The following MOSPD3 variants were observed in gnomAD, a reference collection of about 807,000 sequenced individuals.
MOSPD3 encodes the protein motile sperm domain containing 3, also known as motile sperm domain-containing protein 3.
A neutral mutation model predicts 23.3 loss-of-function variants in MOSPD3; 20 were observed. The ratio of observed to expected loss-of-function variants is 0.86; its 90% CI spans 0.61 to 1.25. The LOEUF is 1.25. Among genes scored for constraint, MOSPD3 ranks in the 50% most tolerant of loss-of-function variants. The pLI is 0.00. For synonymous variants in MOSPD3, 136 were observed against 135.2 expected (o/e 1.01, Z -0.04); for missense variants, 307 against 315.7 (o/e 0.97, Z 0.21).
At chr7:100,613,443 AC>A in intron 2 of MOSPD3, 33 bp from the exon 3 acceptor site, 2 of 1,605,644 alleles carry the variant, frequency 1.2e-6, no homozygotes, top group Non-Finnish European at 1.7e-6. Context: ...TGCCTCATTC[AC>A]CCCAATGGGC....
intron 3 of MOSPD3, among the ~76,000 whole-genome samples, chr7:100,614,068 A>G (rs1802919164): frequency 6.6e-6 from 1 of 152,150 alleles, no homozygotes; most frequent in East Asian, 1.9e-4. Context: ...TCCACAGAAG[A>G]GAGAAAATGA....
rs1802871405 is a variant in MOSPD3, at chr7:100,612,893, C to T, written c.102C>T (p.Val34=). ...CTCCCTTGGGACCCGTTGTCCCGGT[C>T]CTGGTCTTTCCCCCGGATCTAGTAT... is the stretch of plus-strand genomic sequence containing the variant. ...APPPLGPVVP[V]LVFPPDLVFR... The change falls in exon 1 of 5, where the codon GTC becomes GTT. Residue 34 remains valine, a synonymous_variant. Transcript: ENST00000393950. The T allele has an allele frequency of 1.2e-6, 2 of 1,613,362 alleles. No homozygotes were observed. The highest frequency in any genetic ancestry group is 2.2e-5 in the South Asian group (2 of 91,072).
intron 3 of MOSPD3, among the ~76,000 whole-genome samples, chr7:100,613,997 A>G (rs941508716): frequency 1.3e-5 from 2 of 152,100 alleles, no homozygotes; most frequent in African/African-American, 4.8e-5. Context: ...TGAGCAATTA[A>G]CCCTGTACCA....
At position 100,615,228 on chromosome 7, in the gene MOSPD3, G is replaced by T; in HGVS notation, c.*45G>T. 6.3e-7 allele frequency: 1 copy of T among 1,595,374 alleles called. No homozygotes were observed. On this transcript the variant is annotated 3_prime_UTR_variant, in exon 5 of 5. Coordinates refer to ENST00000393950, the MANE Select transcript of MOSPD3 (RefSeq NM_023948.5). Reference sequence around the variant, plus strand: ...GCCCACCCCACCCTCCCTGGGCAGGGTCTTGAGGCAGCCACTGTGATGCTC... The same window carrying T: ...GCCCACCCCACCCTCCCTGGGCAGGTTCTTGAGGCAGCCACTGTGATGCTC...
rs764236149 is a variant in MOSPD3, at chr7:100,612,889, C to G, written c.98C>G (p.Pro33Arg). The G allele has an allele frequency of 6.2e-7, 1 of 1,613,102 alleles. No individual in the cohort carries two copies. The highest frequency in any genetic ancestry group is 8.5e-7 in the Non-Finnish European group (1 of 1,179,794). The change falls in exon 1 of 5, where the codon CCG becomes CGG. Residue 33 changes from proline (P) to arginine (R), a missense_variant. Physicochemically the swap from Pro to Arg is moderately radical, Grantham distance 103 (BLOSUM62 -2). Transcript: ENST00000393950. ...GAPPPLGPVVPVLVFPPDLVF... is the reference protein window; with the variant it reads ...GAPPPLGPVVRVLVFPPDLVF... ...CCTCCTCCCTTGGGACCCGTTGTCCCGGTCCTGGTCTTTCCCCCGGATCTA... is the reference window on the plus strand; with the variant it reads ...CCTCCTCCCTTGGGACCCGTTGTCCGGGTCCTGGTCTTTCCCCCGGATCTA...
At chr7:100,613,319 C>G (rs1442061001) in intron 2 of MOSPD3, 50 bp downstream of exon 2, 1 of 1,576,608 alleles carries the variant, frequency 6.3e-7, no homozygotes, top group Non-Finnish European at 8.7e-7. Context: ...GGGGTCGCTG[C>G]CACCTGTTGT....
At chr7:100,614,206 A>G (rs960666536) in intron 3 of MOSPD3, among the ~76,000 whole-genome samples, 3 of 152,176 alleles carry the variant, frequency 2.0e-5, no homozygotes, top group Admixed American at 6.5e-5. Flanking sequence ...GCTCACGCCT[A>G]TAATCCCAGT....
At position 100,614,873 on chromosome 7, in the gene MOSPD3, G is replaced by T. The variant is rs148593773; in HGVS notation, c.518G>T (p.Arg173Leu). Residue 173 changes from arginine (R) to leucine (L), a missense_variant, in exon 4 of 5, where the codon CGC becomes CTC. Physicochemically the swap from Arg to Leu is moderately radical, Grantham distance 102. Coordinates refer to ENST00000393950, the MANE Select transcript of MOSPD3 (RefSeq NM_023948.5). ...GATGAGTCTTGTTTCTCAGACCCCC[G>T]CCAGCAACTGGCCACCAGCTCCTTC... Reference protein sequence around the residue: ...PTARHFQEHPRQQLATSSFLL... With the variant: ...PTARHFQEHPLQQLATSSFLL... 3,042 of 1,613,724 alleles carry T rather than the reference G, an allele frequency of 1.9e-3. 3 individuals are homozygous for T. The highest frequency in any genetic ancestry group is 2.3e-3 in the Non-Finnish European group (2,717 of 1,179,788).
intron 3 of MOSPD3, among the ~76,000 whole-genome samples, chr7:100,614,197 C>T (rs529081599): frequency 3.5e-4 from 54 of 152,278 alleles, no homozygotes; most frequent in African/African-American, 1.3e-3. Context: ...GGTGTGATGG[C>T]TCACGCCTAT....
Position 100,612,729 on chromosome 7 carries a change from G to C in MOSPD3, c.-63G>C. The C allele has an allele frequency of 7.3e-7, 1 of 1,362,034 alleles. No homozygotes were observed. The highest frequency in any genetic ancestry group is 1.0e-6 in the Non-Finnish European group (1 of 999,302). 84.4% of individuals were successfully genotyped at this position (1,362,034 alleles called of 1,614,324 possible). A position where few individuals can be genotyped will look rare whatever the true frequency, so the allele number is the denominator to read the frequency against. ...CCCCTTTCGCCCCTCACGCCCCCCA[G>C]CTCTGACTCCAGGCCCTGTCCCCTG... On this transcript the variant is annotated 5_prime_UTR_variant, in exon 1 of 5. Transcript: ENST00000393950.
Position 100,612,778 on chromosome 7 carries a change from C to T in MOSPD3, c.-14C>T, listed in dbSNP as rs767826013. 2 of 1,557,394 alleles carry T rather than the reference C, an allele frequency of 1.3e-6. No homozygotes were observed. The highest frequency in any genetic ancestry group is 4.3e-5 in the Admixed American group (2 of 46,880). ...TGAGCTCTGCCCTCGGATGTCCGAC[C>T]GCCCAGAGCCTGCATGCGCCGTGGG... On this transcript the variant is annotated 5_prime_UTR_variant, in exon 1 of 5. Coordinates refer to ENST00000393950, the MANE Select transcript of MOSPD3 (RefSeq NM_023948.5).
intron 1 of MOSPD3, 86 bp downstream of exon 1, chr7:100,613,082 C>T (rs1347608498): frequency 2.5e-6 from 4 of 1,580,796 alleles, no homozygotes; most frequent in Middle Eastern, 1.7e-4. Context: ...TAGGGTTGCA[C>T]GTCCAGCTTT....
chr7:100,612,200 TA>T (rs1339107578), upstream of MOSPD3: 1 of 152,388 alleles, frequency 6.6e-6, no homozygotes, highest in African/African-American at 2.4e-5. Context: ...ATGGCAACAT[TA>T]ATCTGACCAC....
At position 100,613,582 on chromosome 7, in the gene MOSPD3, G is replaced by A; in HGVS notation, c.387G>A (p.Lys129=). 6.2e-7 allele frequency: 1 copy of A among 1,614,186 alleles called. No homozygotes were observed. ...EGAEGRVVGR[K]DITSILRAPA... ...CTGAGGGCCGAGTGGTGGGACGCAA[G>A]GACATTACCTCCATTCTGAGAGCCC... Residue 129 remains lysine (K), a synonymous_variant, in exon 3 of 5, where the codon AAG becomes AAA. Coordinates refer to ENST00000393950, the MANE Select transcript of MOSPD3 (RefSeq NM_023948.5).
In MOSPD3 at chr7:100,612,639, C is replaced by T. The variant is rs1032400124; in HGVS notation, c.-153C>T. 2 of 567,222 alleles carry T rather than the reference C, an allele frequency of 3.5e-6. No individual in the cohort carries two copies. The highest frequency in any genetic ancestry group is 1.9e-5 in the African/African-American group (1 of 51,384). 35.1% of individuals were successfully genotyped at this position (567,222 alleles called of 1,614,324 possible). A position where few individuals can be genotyped will look rare whatever the true frequency, so the allele number is the denominator to read the frequency against. On this transcript the variant is annotated 5_prime_UTR_variant, in exon 1 of 5. Coordinates refer to ENST00000393950, the MANE Select transcript of MOSPD3 (RefSeq NM_023948.5). Reference sequence around the variant, plus strand: ...CCTGGGCCTGGGTCTGCGGGAGCCCCATCTAGCGGGGTTCCAAGGCGGCGG... The same window carrying T: ...CCTGGGCCTGGGTCTGCGGGAGCCCTATCTAGCGGGGTTCCAAGGCGGCGG...
At chr7:100,613,825 AAACATTCCTCCGAGTTGAG>A in intron 3 of MOSPD3, 119 bp downstream of exon 3, 2 of 893,932 alleles carry the variant, frequency 2.2e-6, no homozygotes, top group Non-Finnish European at 3.4e-6. Context: ...CTTTTGGTGG[AAACATTCCTCCGAGTTGAG>A]ATTTTATATC....
chr7:100,613,018 G>A (rs780676389), intron 1 of MOSPD3, 22 bp downstream of exon 1: 7 of 1,613,304 alleles, frequency 4.3e-6, no homozygotes, highest in Non-Finnish European at 5.9e-6. Flanking sequence ...GGCGCCTCGT[G>A]GGGGCTGGTG....
In MOSPD3 at chr7:100,612,660, G is replaced by A. The variant is rs1167429914; in HGVS notation, c.-132G>A. ...GCCCCATCTAGCGGGGTTCCAAGGC[G>A]GCGGCGGCATCAGTCGAGGCCCTGC... On this transcript the variant is annotated 5_prime_UTR_variant, in exon 1 of 5. Transcript: ENST00000393950. 6.4e-6 allele frequency: 4 copies of A among 629,894 alleles called. No homozygotes were observed. Among genetic ancestry groups the A allele is most frequent in the Non-Finnish European group, 7.9e-6 (3 of 380,354 alleles). 39.0% of individuals were successfully genotyped at this position (629,894 alleles called of 1,614,324 possible). A position where few individuals can be genotyped will look rare whatever the true frequency, so the allele number is the denominator to read the frequency against.
Position 100,615,147 on chromosome 7 carries a change from T to A in MOSPD3, c.677-5T>A, listed in dbSNP as rs926976977. ...GACCCTATTCTTTCTTTGTCCCCCC[T>A]CCAGGCCTCCTCACCATGGTGTTCC... On this transcript the variant is annotated splice_polypyrimidine_tract_variant and splice_region_variant and intron_variant, in intron 4 of 4. Coordinates refer to ENST00000393950, the MANE Select transcript of MOSPD3 (RefSeq NM_023948.5). The A allele has an allele frequency of 6.2e-7, 1 of 1,613,926 alleles. No homozygotes were observed. Among genetic ancestry groups the A allele is most frequent in the African/African-American group, 1.3e-5 (1 of 74,892 alleles).
Sources: gnomAD v4.1 joint callset for allele counts (sites outside exome capture counted in the v4.1 genomes callset) on GRCh38, gnomAD v4.1.1 for gene constraint, MANE v1.5 for transcripts, NCBI Gene and HGNC (gene_info 2026-07-23, HGNC 2026-07-21) for gene names.